SNTB2: variants seen among roughly 807,000 people sequenced by gnomAD.
SNTB2 encodes syntrophin beta 2.
A neutral mutation model predicts 46.2 loss-of-function variants in SNTB2; 34 were observed. The ratio of observed to expected loss-of-function variants is 0.74; its 90% CI spans 0.56 to 0.98. SNTB2 has a LOEUF of 0.98. SNTB2 is among the 50% of genes least tolerant of loss of function. SNTB2 has a pLI of 0.00. For synonymous variants in SNTB2, 290 were observed against 312.6 expected (o/e 0.93, Z 0.76); for missense variants, 603 against 731.4 (o/e 0.82, Z 2.02).
At chr16:69,230,030 T>A (rs912341909) in intron 1 of SNTB2, among the ~76,000 whole-genome samples, 1 of 151,792 alleles carries the variant, frequency 6.6e-6, no homozygotes. Context: ...GAAGCAGTCC[T>A]CCCTTCTTGG....
chr16:69,215,763 G>A (rs1223706121), intron 1 of SNTB2, among the ~76,000 whole-genome samples: 1 of 152,138 alleles, frequency 6.6e-6, no homozygotes, highest in Non-Finnish European at 1.5e-5. Flanking sequence ...CCTCACAGCA[G>A]TTCTATTGCA....
chr16:69,247,472 C>T (rs550434701), intron 2 of SNTB2, among the ~76,000 whole-genome samples: 5 of 152,238 alleles, frequency 3.3e-5, no homozygotes, highest in Non-Finnish European at 7.4e-5. Flanking sequence ...GATCTTAATG[C>T]ACAGCCAGGT....
chr16:69,237,571 G>A (rs1275197606), intron 1 of SNTB2, among the ~76,000 whole-genome samples: 1 of 149,572 alleles, frequency 6.7e-6, no homozygotes, highest in Admixed American at 6.7e-5. Flanking sequence ...TTTTAGGCCA[G>A]CATTTCTTTT....
chr16:69,192,761 AAAC>A (rs905932425), intron 1 of SNTB2, among the ~76,000 whole-genome samples: 79 of 152,270 alleles, frequency 5.2e-4, no homozygotes, highest in Admixed American at 1.3e-3. Flanking sequence ...TTTAGTGTAA[AAAC>A]AAAACTCGTG....
At chr16:69,194,216 G>A (rs1356378659) in intron 1 of SNTB2, among the ~76,000 whole-genome samples, 1 of 152,134 alleles carries the variant, frequency 6.6e-6, no homozygotes, top group Admixed American at 6.5e-5. Flanking sequence ...CCTGAGGATG[G>A]GGTGCAATAT....
intron 4 of SNTB2, among the ~76,000 whole-genome samples, chr16:69,278,521 T>G (rs1312225137): frequency 6.7e-6 from 1 of 149,136 alleles, no homozygotes; most frequent in Non-Finnish European, 1.5e-5. Flanking sequence ...AGTGGTGCAA[T>G]CTCTGCTCAC....
rs182781238 is a variant in SNTB2 at position 69,250,985 on chromosome 16, T to G, written c.794+5170T>G. Among the ~76,000 whole-genome samples, 542 of 150,950 alleles carry G rather than the reference T, an allele frequency of 3.6e-3. 6 individuals carry two copies. The highest frequency in any genetic ancestry group is 8.9e-3 in the African/African-American group (368 of 41,338). ...GAAATATCCATTTGTTTATCTGTTT[T>G]TTTTTTTTTTTGAGACGGAGTCTCG... is the stretch of plus-strand genomic sequence containing the variant. On this transcript the variant is annotated intron_variant, in intron 2 of 6. Transcript: ENST00000336278.
At chr16:69,197,500 T>C (rs1489077081) in intron 1 of SNTB2, among the ~76,000 whole-genome samples, 8 of 152,224 alleles carry the variant, frequency 5.3e-5, no homozygotes, top group Non-Finnish European at 1.2e-4. Context: ...TTCTGAAATA[T>C]CTTGTAATAA....
intron 4 of SNTB2, among the ~76,000 whole-genome samples, chr16:69,272,285 A>G (rs2143124073): frequency 6.6e-6 from 1 of 152,260 alleles, no homozygotes; most frequent in African/African-American, 2.4e-5. Flanking sequence ...TTACATCTGT[A>G]ATCCTAGCAC....
At chr16:69,299,872 C>T in intron 6 of SNTB2, 98 bp downstream of exon 6, 3 of 1,257,984 alleles carry the variant, frequency 2.4e-6, no homozygotes, top group Non-Finnish European at 3.3e-6. Flanking sequence ...ACTGACATTC[C>T]ATTTAGAACC....
intron 1 of SNTB2, among the ~76,000 whole-genome samples, chr16:69,228,517 A>C (rs1263952052): frequency 2.0e-5 from 3 of 151,684 alleles, no homozygotes; most frequent in Non-Finnish European, 2.9e-5. Context: ...AAAAAAAAAA[A>C]AAAAAAAAAA....
At chr16:69,264,965 A>G (rs1964870465) in intron 3 of SNTB2, among the ~76,000 whole-genome samples, 1 of 152,186 alleles carries the variant, frequency 6.6e-6, no homozygotes, top group Non-Finnish European at 1.5e-5. Flanking sequence ...AATTACATCT[A>G]TTGGCCGGGC....
rs1964923601 is a variant in SNTB2, at chr16:69,270,082, G to A, written c.1006-61G>A. On this transcript the variant is annotated intron_variant, in intron 3 of 6. Coordinates refer to ENST00000336278, the MANE Select transcript of SNTB2 (RefSeq NM_006750.4). ...CCATTGTGTTAGGCCATCATTGAAGGAACTTTTACAAAGACGTGATTATAG... is the reference window on the plus strand; with the variant it reads ...CCATTGTGTTAGGCCATCATTGAAGAAACTTTTACAAAGACGTGATTATAG... 2.5e-6 allele frequency: 4 copies of A among 1,602,300 alleles called. No homozygotes were observed. In the East Asian group the frequency reaches 8.9e-5, roughly 36 times the overall value.
At chr16:69,276,783 G>A (rs1455611651) in intron 4 of SNTB2, among the ~76,000 whole-genome samples, 2 of 151,992 alleles carry the variant, frequency 1.3e-5, no homozygotes, top group Non-Finnish European at 2.9e-5. Context: ...TAAAATTGCT[G>A]GCACCTTAGC....
chr16:69,294,463 C>T (rs1039229769), intron 5 of SNTB2, among the ~76,000 whole-genome samples: 1 of 152,064 alleles, frequency 6.6e-6, no homozygotes, highest in Non-Finnish European at 1.5e-5. Flanking sequence ...GTGGCTAATG[C>T]CTGTAATCCC....
At chr16:69,269,215 G>A (rs773526480) in intron 3 of SNTB2, among the ~76,000 whole-genome samples, 3 of 151,258 alleles carry the variant, frequency 2.0e-5, no homozygotes, top group Admixed American at 6.6e-5. Flanking sequence ...CGTGATCCGC[G>A]TTTTAAAAAA....
intron 1 of SNTB2, among the ~76,000 whole-genome samples, chr16:69,221,630 G>C (rs1408112308): frequency 6.6e-6 from 1 of 152,122 alleles, no homozygotes; most frequent in African/African-American, 2.4e-5. Flanking sequence ...ACAAAAATTA[G>C]CCAAGCATGG....
rs553316829 is a variant in SNTB2, at chr16:69,305,533, A to G, written c.*4609A>G. The G allele has an allele frequency of 2.3e-4, 35 of 152,324 alleles. No homozygotes were observed. Among genetic ancestry groups the G allele is most frequent in the African/African-American group, 7.2e-4 (30 of 41,558 alleles). 9.4% of individuals were successfully genotyped at this position (152,324 alleles called of 1,614,324 possible). A position where few individuals can be genotyped will look rare whatever the true frequency, so the allele number is the denominator to read the frequency against. On this transcript the variant is annotated 3_prime_UTR_variant, in exon 7 of 7. Transcript: ENST00000336278. ...TCCTAATGAATAAGTAAAATGCCAG[A>G]TCTCTTTGGTCTCAAAGCAAATTGC...
chr16:69,204,614 C>T (rs1402663316), intron 1 of SNTB2, among the ~76,000 whole-genome samples: 1 of 152,132 alleles, frequency 6.6e-6, no homozygotes, highest in African/African-American at 2.4e-5. Flanking sequence ...ATTTCCACAA[C>T]CTAAATGAAT....
Sources: allele counts gnomAD v4.1 joint callset (sites outside exome capture counted in the v4.1 genomes callset), GRCh38; gene constraint gnomAD v4.1.1; transcripts MANE v1.5; gene names NCBI Gene and HGNC (gene_info 2026-07-23, HGNC 2026-07-21).